Variants in COL19A1 observed in about 807,000 individuals in gnomAD.
COL19A1 encodes the protein collagen type XIX alpha 1 chain, also known as collagen alpha-1(XIX) chain.
COL19A1 carries 159 observed loss-of-function variants against 190.2 expected under a neutral mutation model. That is an observed-to-expected ratio of 0.84 (90% confidence interval 0.73 to 0.95). COL19A1 has a LOEUF of 0.95. COL19A1 is among the 40% of genes least tolerant of loss of function. COL19A1 has a pLI of 0.00. For synonymous variants in COL19A1, 509 were observed against 458.9 expected, an observed-to-expected ratio of 1.11 and a Z score of -1.39; for missense variants, 1,418 against 1,431.9, an observed-to-expected ratio of 0.99 and a Z score of 0.16.
intron 4 of COL19A1, among the ~76,000 whole-genome samples, chr6:69,903,082 G>A (rs940028640): frequency 1.3e-5 from 2 of 152,184 alleles, no homozygotes; most frequent in Admixed American, 1.3e-4. Flanking sequence ...ACAAGGTTTA[G>A]CCTTGATAAA....
chr6:69,960,096 A>G, intron 10 of COL19A1, 56 bp downstream of exon 10: 1 of 1,490,308 alleles, frequency 6.7e-7, no homozygotes, highest in Non-Finnish European at 9.3e-7. Flanking sequence ...GTTAAAAATA[A>G]ATTTGCACAT....
At chr6:70,041,059 G>T (rs1779612370) in intron 14 of COL19A1, among the ~76,000 whole-genome samples, 1 of 152,030 alleles carries the variant, frequency 6.6e-6, no homozygotes, top group African/African-American at 2.4e-5. Flanking sequence ...AACACTTTCA[G>T]CCCAGAAGGT....
intron 15 of COL19A1, chr6:70,098,470 G>T (rs1359027833): frequency 9.9e-6 from 5 of 506,742 alleles, no homozygotes; most frequent in Non-Finnish European, 2.0e-5. Context: ...TGAATCTGCG[G>T]TATACAATAT....
Position 70,140,993 on chromosome 6 carries a change from A to C in COL19A1, c.1482+4A>C, listed in dbSNP as rs755238694. Reference sequence around the variant, plus strand: ...AAAAGGAGAAAAAGGAGATAGAGTAAGTAGATATTTTATCACTACCTTGGG... The same window carrying C: ...AAAAGGAGAAAAAGGAGATAGAGTACGTAGATATTTTATCACTACCTTGGG... On this transcript the variant is annotated splice_donor_region_variant and intron_variant, in intron 20 of 50. Transcript: ENST00000620364. 4.4e-6 allele frequency: 7 copies of C among 1,608,544 alleles called. No homozygotes were observed. Among genetic ancestry groups the C allele is most frequent in the Non-Finnish European group, 6.0e-6 (7 of 1,176,126 alleles).
intron 15 of COL19A1, among the ~76,000 whole-genome samples, chr6:70,070,412 C>T (rs1189526916): frequency 1.3e-5 from 2 of 152,050 alleles, no homozygotes; most frequent in African/African-American, 4.8e-5. Context: ...TCAAGAGTAA[C>T]ATAATGTCAG....
At chr6:69,872,006 G>A (rs891080491) in intron 1 of COL19A1, among the ~76,000 whole-genome samples, 5 of 151,886 alleles carry the variant, frequency 3.3e-5, no homozygotes, top group Admixed American at 2.0e-4. Flanking sequence ...TGGTAGAGAC[G>A]GGTTTTCACC....
intron 16 of COL19A1, among the ~76,000 whole-genome samples, chr6:70,121,359 G>C (rs995368406): frequency 6.6e-6 from 1 of 152,152 alleles, no homozygotes; most frequent in African/African-American, 2.4e-5. Flanking sequence ...AATTTCTTAA[G>C]CCTGAGATTT....
intron 14 of COL19A1, among the ~76,000 whole-genome samples, chr6:70,066,413 C>T (rs1393404564): frequency 1.3e-5 from 2 of 151,350 alleles, no homozygotes. Flanking sequence ...AACACATGGA[C>T]ACAGGAAGGG....
At chr6:69,996,386 C>T (rs938328877) in intron 11 of COL19A1, among the ~76,000 whole-genome samples, 1 of 152,008 alleles carries the variant, frequency 6.6e-6, no homozygotes, top group Non-Finnish European at 1.5e-5. Flanking sequence ...TCTTATTTTT[C>T]TTAGCCTTAT....
chr6:70,186,833 T>A (rs1766550732), intron 46 of COL19A1, among the ~76,000 whole-genome samples: 1 of 152,164 alleles, frequency 6.6e-6, no homozygotes, highest in Non-Finnish European at 1.5e-5. Flanking sequence ...AATATAATAT[T>A]TTACTAATTA....
At chr6:70,130,858 C>A (rs976995701) in intron 18 of COL19A1, among the ~76,000 whole-genome samples, 3 of 152,056 alleles carry the variant, frequency 2.0e-5, no homozygotes, top group Non-Finnish European at 4.4e-5. Context: ...ATCTGAAGAC[C>A]CCTTTGGCAA....
At chr6:69,895,238 G>T (rs1423857466) in intron 2 of COL19A1, among the ~76,000 whole-genome samples, 1 of 152,140 alleles carries the variant, frequency 6.6e-6, no homozygotes, top group Non-Finnish European at 1.5e-5. Flanking sequence ...AAAAGGCCAT[G>T]AAAAGTCTCC....
intron 35 of COL19A1, among the ~76,000 whole-genome samples, chr6:70,162,396 T>C (rs189636631): frequency 1.9e-4 from 29 of 152,260 alleles, no homozygotes. Flanking sequence ...TCTATTTTAG[T>C]CAAGGCTTTC....
chr6:70,062,256 G>T (rs1490711415), intron 14 of COL19A1, among the ~76,000 whole-genome samples: 1 of 152,060 alleles, frequency 6.6e-6, no homozygotes, highest in Non-Finnish European at 1.5e-5. Context: ...AAAAAAATTA[G>T]TTACAATAAT....
At chr6:69,984,253 A>C (rs1776197776) in intron 11 of COL19A1, among the ~76,000 whole-genome samples, 1 of 152,156 alleles carries the variant, frequency 6.6e-6, no homozygotes, top group African/African-American at 2.4e-5. Context: ...TTCCTTCCCT[A>C]GAATGGCTGA....
At chr6:69,880,860 T>C (rs1768501623) in intron 2 of COL19A1, among the ~76,000 whole-genome samples, 1 of 152,234 alleles carries the variant, frequency 6.6e-6, no homozygotes, top group South Asian at 2.1e-4. Flanking sequence ...ATACGATTTC[T>C]ACTCTTCTGA....
At chr6:69,981,452 T>C (rs1445871081) in intron 11 of COL19A1, among the ~76,000 whole-genome samples, 4 of 152,170 alleles carry the variant, frequency 2.6e-5, no homozygotes, top group Admixed American at 6.5e-5. Flanking sequence ...ATTAAAATCC[T>C]GATTGTGCCT....
chr6:70,028,353 G>A (rs1562099182), intron 12 of COL19A1, among the ~76,000 whole-genome samples: 1 of 152,192 alleles, frequency 6.6e-6, no homozygotes, highest in East Asian at 1.9e-4. Flanking sequence ...GTTACAGAAA[G>A]GTGAAGGCTG....
intron 2 of COL19A1, among the ~76,000 whole-genome samples, chr6:69,893,659 G>C (rs1289502862): frequency 6.6e-6 from 1 of 152,116 alleles, no homozygotes; most frequent in Non-Finnish European, 1.5e-5. Flanking sequence ...CCTTGAAATT[G>C]CCCTGCAAAA....
Sources: allele counts gnomAD v4.1 joint callset (sites outside exome capture counted in the v4.1 genomes callset), GRCh38; gene constraint gnomAD v4.1.1; transcripts MANE v1.5; gene names NCBI Gene and HGNC (gene_info 2026-07-23, HGNC 2026-07-21).